The following TJP2 variants were observed in gnomAD, a reference collection of about 807,000 sequenced individuals.
TJP2 encodes tight junction protein 2.
Under a neutral mutation model 133.1 loss-of-function variants are expected in TJP2, and 91 were observed. The observed-to-expected ratio is 0.68, with a 90% CI of 0.58 to 0.81. The LOEUF (loss-of-function observed/expected upper bound fraction) is 0.81. Among genes scored for constraint, TJP2 ranks in the 40% least tolerant of loss-of-function variants. The pLI, the probability that TJP2 is intolerant of heterozygous loss-of-function variation, is 0.00. For synonymous variants in TJP2, 592 were observed against 583.4 expected (o/e 1.01, Z -0.21); for missense variants, 1,541 against 1,565.6 (o/e 0.98, Z 0.26).
chr9:69,150,957 A>G (rs1248842114), intron 1 of TJP2, among the ~76,000 whole-genome samples: 3 of 152,250 alleles, frequency 2.0e-5, no homozygotes, highest in Non-Finnish European at 2.9e-5. Context: ...GATGTATGCT[A>G]TAACATCAAT....
intron 1 of TJP2, among the ~76,000 whole-genome samples, chr9:69,181,540 G>T (rs1825513949): frequency 6.6e-6 from 1 of 152,172 alleles, no homozygotes; most frequent in African/African-American, 2.4e-5. Context: ...GAGCCACCTC[G>T]CCTGGCCTAG....
intron 1 of TJP2, among the ~76,000 whole-genome samples, chr9:69,130,015 C>CAAAAAAAAAAAAAAA (rs11355311): frequency 5.3e-5 from 5 of 94,162 alleles, no homozygotes; most frequent in Admixed American, 1.1e-4. Context: ...AACTCTGCCT[C>CAAAAAAAAAAAAAAA]AAAAAAAAAA....
At chr9:69,235,881 C>A in intron 12 of TJP2, 147 bp from the exon 13 acceptor site, 1 of 720,784 alleles carries the variant, frequency 1.4e-6, no homozygotes, top group Non-Finnish European at 2.4e-6. Context: ...TGTCCTTGTT[C>A]CTGTTGGAGC....
At chr9:69,229,345 T>C (rs1451281313) in intron 10 of TJP2, 95 bp downstream of exon 10, 1 of 1,273,180 alleles carries the variant, frequency 7.9e-7, no homozygotes, top group Non-Finnish European at 1.1e-6. Flanking sequence ...GCCTAGATGG[T>C]GATTTTGTAC....
intron 2 of TJP2, among the ~76,000 whole-genome samples, chr9:69,162,193 T>C (rs529856917): frequency 7.3e-4 from 108 of 148,318 alleles, no homozygotes; most frequent in Non-Finnish European, 1.4e-3. Flanking sequence ...TTTTGTATTA[T>C]ATATTATATA....
chr9:69,137,997 C>T (rs1032322667), intron 1 of TJP2, among the ~76,000 whole-genome samples: 8 of 152,154 alleles, frequency 5.3e-5, no homozygotes, highest in Non-Finnish European at 1.2e-4. Context: ...TTTTCTCTCC[C>T]ACTTGGTTGG....
chr9:69,145,156 C>T (rs1198765778), intron 1 of TJP2, among the ~76,000 whole-genome samples: 2 of 152,152 alleles, frequency 1.3e-5, no homozygotes, highest in Non-Finnish European at 2.9e-5. Context: ...GCTATTGACC[C>T]AAGCAAGGAG....
chr9:69,204,068 A>G (rs1827208914), intron 1 of TJP2, among the ~76,000 whole-genome samples: 1 of 152,232 alleles, frequency 6.6e-6, no homozygotes, highest in Non-Finnish European at 1.5e-5. Flanking sequence ...TTTCTTGCCG[A>G]CATTGCCCTT....
rs756610227 is a variant in TJP2, at chr9:69,248,184, C to T, written c.2840C>T (p.Ser947Leu). 8.1e-6 allele frequency: 13 copies of T among 1,612,286 alleles called. No homozygotes were observed. The highest frequency in any genetic ancestry group is 3.3e-5 in the South Asian group (3 of 90,888). ...LDEPAEEPLV[S>L]SITRSSEPVQ... The stretch of plus-strand genomic sequence containing the variant: ...GAGCCAGCCGAGGAGCCGCTGGTGT[C>T]GTCCATCACCCGCTCCTCGGAGCCG... Residue 947 changes from serine to leucine, a missense_variant, in exon 19 of 23, where the codon TCG becomes TTG. Coordinates refer to ENST00000377245, the MANE Select transcript of TJP2 (RefSeq NM_004817.4).
Position 69,163,465 on chromosome 9 carries a change from A to C in TJP2, c.-10+11694A>C, listed in dbSNP as rs370791811. On this transcript the variant is annotated intron_variant, in intron 2 of 5. Transcript: ENST00000423935. ...AGCCTGGGTAACATGGCGAAACCCC[A>C]TCTCTACCCAAAAGACAAAAATTAG... Among the ~76,000 whole-genome samples, 13 of 152,184 alleles carry C rather than the reference A, an allele frequency of 8.5e-5. No individual in the cohort carries two copies. The South Asian group carries it at 2.7e-3, about 32-fold the overall frequency.
At chr9:69,159,829 C>T (rs555534584) in intron 2 of TJP2, among the ~76,000 whole-genome samples, 1 of 147,800 alleles carries the variant, frequency 6.8e-6, no homozygotes, top group Non-Finnish European at 1.5e-5. Flanking sequence ...TGAGCCACTG[C>T]ACTCCAGCTT....
At chr9:69,170,631 C>T (rs1824627807), upstream of TJP2, among the ~76,000 whole-genome samples, 1 of 152,206 alleles carries the variant, frequency 6.6e-6, no homozygotes, top group Non-Finnish European at 1.5e-5. Context: ...TGGTCCTCCA[C>T]TTAATGAACA....
chr9:69,229,366 A>AAAAT, intron 10 of TJP2, 116 bp downstream of exon 10: 1 of 957,014 alleles, frequency 1.0e-6, no homozygotes. Flanking sequence ...ACTGTCAGCC[A>AAAAT]CCTGTAACCA....
intron 19 of TJP2, chr9:69,249,116 A>C: frequency 7.8e-7 from 1 of 1,279,876 alleles, no homozygotes; most frequent in African/African-American, 1.5e-5. Context: ...GATATTAGTG[A>C]CACAAGAGAT....
chr9:69,151,771 G>C (rs374563251), exon 2 of TJP2: 2 of 1,232,092 alleles, frequency 1.6e-6, no homozygotes, highest in Non-Finnish European at 2.0e-6. Context: ...CACGTTGCCA[G>C]GTATTTGCTT....
At chr9:69,252,069 G>A (rs948491931) in intron 21 of TJP2, among the ~76,000 whole-genome samples, 11 of 152,016 alleles carry the variant, frequency 7.2e-5, no homozygotes, top group African/African-American at 2.2e-4. Flanking sequence ...ATCACAGCTC[G>A]CAGCAGCCTC....
At chr9:69,205,169 C>G in intron 1 of TJP2, 2 of 1,537,256 alleles carry the variant, frequency 1.3e-6, no homozygotes, top group Non-Finnish European at 1.7e-6. Context: ...ACCATGAAGA[C>G]TGCTCAAGCC....
intron 17 of TJP2, among the ~76,000 whole-genome samples, chr9:69,245,356 A>G (rs2498423): frequency 0.66 from 100,830 of 152,118 alleles, 33,464 homozygotes; most frequent in Admixed American, 0.69. Context: ...AAGTGATAGT[A>G]CAATAAGAGG....
chr9:69,242,031 G>A (rs753956648), intron 17 of TJP2, among the ~76,000 whole-genome samples: 16 of 152,226 alleles, frequency 1.1e-4, no homozygotes, highest in Admixed American at 3.3e-4. Flanking sequence ...CCCTCAGAGA[G>A]TTAAATTTGG....
Sources: gnomAD v4.1 joint callset for allele counts (sites outside exome capture counted in the v4.1 genomes callset) on GRCh38, gnomAD v4.1.1 for gene constraint, MANE v1.5 for transcripts, NCBI Gene and HGNC (gene_info 2026-07-23, HGNC 2026-07-21) for gene names.